KHDRBS2: variants seen among roughly 807,000 people sequenced by gnomAD.
The protein encoded by KHDRBS2 is KH RNA binding domain containing, signal transduction associated 2.
KHDRBS2 carries 26 observed loss-of-function variants against 44.3 expected under a neutral mutation model. The ratio of observed to expected loss-of-function variants is 0.59; its 90% CI spans 0.43 to 0.81. The LOEUF is 0.81. Ranked by LOEUF, KHDRBS2 falls within the 40% of genes least tolerant of loss-of-function variation. The probability of loss-of-function intolerance (pLI) is 0.00; values close to 1 mark genes in which losing one functional copy is unlikely to be tolerated. For synonymous variants in KHDRBS2, 194 were observed against 151.1 expected, an observed-to-expected ratio of 1.28 and a Z score of -2.08; for missense variants, 476 against 433.1, an observed-to-expected ratio of 1.10 and a Z score of -0.88.
intron 1 of KHDRBS2, among the ~76,000 whole-genome samples, chr6:62,198,813 A>G (rs1438972384): frequency 6.6e-6 from 1 of 152,190 alleles, no homozygotes; most frequent in Non-Finnish European, 1.5e-5. Flanking sequence ...AATATCCCTG[A>G]TGAACATTGA....
At chr6:61,700,012 T>C (rs539093518) in intron 7 of KHDRBS2, among the ~76,000 whole-genome samples, 1 of 151,978 alleles carries the variant, frequency 6.6e-6, no homozygotes, top group East Asian at 2.0e-4. Context: ...CAACTCAGAG[T>C]CCTCATATAG....
At chr6:62,219,774 T>C (rs1179047625) in intron 1 of KHDRBS2, among the ~76,000 whole-genome samples, 2 of 148,662 alleles carry the variant, frequency 1.3e-5, no homozygotes, top group African/African-American at 4.9e-5. Context: ...TTTTCAAGTT[T>C]TATATATATA....
intron 6 of KHDRBS2, among the ~76,000 whole-genome samples, chr6:61,889,931 A>G (rs1394900732): frequency 6.6e-6 from 1 of 152,178 alleles, no homozygotes; most frequent in Non-Finnish European, 1.5e-5. Flanking sequence ...AGAAGCAGCC[A>G]ATTGGCCAAG....
At chr6:62,121,884 G>A (rs896307564) in intron 2 of KHDRBS2, among the ~76,000 whole-genome samples, 2 of 152,092 alleles carry the variant, frequency 1.3e-5, no homozygotes, top group South Asian at 2.1e-4. Flanking sequence ...AATTTCTAGG[G>A]GTCCAGTGAT....
chr6:62,227,867 T>C (rs1832179797), intron 1 of KHDRBS2, among the ~76,000 whole-genome samples: 1 of 152,214 alleles, frequency 6.6e-6, no homozygotes, highest in Non-Finnish European at 1.5e-5. Flanking sequence ...ACCCTAGGGA[T>C]GAAGCCAATT....
chr6:61,630,876 A>T, the KHDRBS2 span, among the ~76,000 whole-genome samples: 1 of 152,174 alleles, frequency 6.6e-6, no homozygotes, highest in Non-Finnish European at 1.5e-5. Flanking sequence ...TTATATCACG[A>T]TTCTGCATAC....
chr6:61,632,948 G>A, the KHDRBS2 span, among the ~76,000 whole-genome samples: 19 of 151,986 alleles, frequency 1.3e-4, no homozygotes, highest in African/African-American at 4.3e-4. Flanking sequence ...CATGTTTTGA[G>A]GTTAAAAAAA....
chr6:62,173,779 A>AGG (rs1340404734), intron 2 of KHDRBS2, among the ~76,000 whole-genome samples: 1 of 152,112 alleles, frequency 6.6e-6, no homozygotes, highest in Admixed American at 6.6e-5. Flanking sequence ...AAATCAATAA[A>AGG]TGTGATTATT....
chr6:62,077,146 T>C (rs1796506768), intron 2 of KHDRBS2, among the ~76,000 whole-genome samples: 1 of 152,086 alleles, frequency 6.6e-6, no homozygotes, highest in African/African-American at 2.4e-5. Context: ...ATTTTTTATT[T>C]TGAAGAAAAA....
the KHDRBS2 span, among the ~76,000 whole-genome samples, chr6:61,588,697 T>A: frequency 3.3e-5 from 5 of 151,292 alleles, no homozygotes; most frequent in Non-Finnish European, 7.4e-5. Context: ...GAGACTGAGG[T>A]GGTAAGATCA....
intron 4 of KHDRBS2, among the ~76,000 whole-genome samples, chr6:61,955,201 T>C (rs1452485727): frequency 1.4e-5 from 2 of 145,220 alleles, no homozygotes; most frequent in Non-Finnish European, 3.0e-5. Context: ...TATGTATACA[T>C]ATATATGTAT....
chr6:61,918,461 G>A (rs1807434378), intron 4 of KHDRBS2, among the ~76,000 whole-genome samples: 1 of 151,852 alleles, frequency 6.6e-6, no homozygotes, highest in Admixed American at 6.6e-5. Flanking sequence ...GGACCCTCAT[G>A]ATGGGATTAT....
intron 6 of KHDRBS2, among the ~76,000 whole-genome samples, chr6:61,867,759 T>C (rs1327608234): frequency 1.3e-5 from 2 of 152,178 alleles, no homozygotes; most frequent in Non-Finnish European, 2.9e-5. Flanking sequence ...GCTTTTCCAG[T>C]ACTTGGAGGT....
intron 2 of KHDRBS2, among the ~76,000 whole-genome samples, chr6:62,164,970 C>T (rs1352069200): frequency 1.3e-5 from 2 of 151,848 alleles, no homozygotes; most frequent in African/African-American, 2.4e-5. Context: ...GGAACATTAG[C>T]TTCTTGTTCA....
intron 2 of KHDRBS2, among the ~76,000 whole-genome samples, chr6:62,116,311 A>T (rs2150078816): frequency 6.6e-6 from 1 of 152,178 alleles, no homozygotes; most frequent in African/African-American, 2.4e-5. Flanking sequence ...TCTCCTGTCT[A>T]ACTGCAACTT....
At chr6:61,563,799 G>A in the KHDRBS2 span, among the ~76,000 whole-genome samples, 2 of 152,088 alleles carry the variant, frequency 1.3e-5, no homozygotes, top group Non-Finnish European at 2.9e-5. Context: ...CGACGTTAGA[G>A]CCTGAGAGAG....
chr6:62,070,704 G>A (rs140961376), intron 2 of KHDRBS2, among the ~76,000 whole-genome samples: 3,729 of 152,198 alleles, frequency 0.025, 164 homozygotes, highest in African/African-American at 0.084. Flanking sequence ...ATTCCATGGT[G>A]TATATGTGCC....
intron 8 of KHDRBS2, among the ~76,000 whole-genome samples, chr6:61,693,221 T>C (rs1378418172): frequency 6.6e-6 from 1 of 152,144 alleles, no homozygotes; most frequent in East Asian, 1.9e-4. Context: ...GCTCATCATC[T>C]GTATTTACAT....
the KHDRBS2 span, among the ~76,000 whole-genome samples, chr6:61,612,525 T>C: frequency 6.6e-6 from 1 of 152,250 alleles, no homozygotes; most frequent in Non-Finnish European, 1.5e-5. Flanking sequence ...CTCAGTGTTG[T>C]TGCAGAAGGG....
Sources: gnomAD v4.1 joint callset for allele counts (sites outside exome capture counted in the v4.1 genomes callset) on GRCh38, gnomAD v4.1.1 for gene constraint, MANE v1.5 for transcripts, NCBI Gene and HGNC (gene_info 2026-07-23, HGNC 2026-07-21) for gene names.